Variants in ST6GALNAC3 observed in about 807,000 individuals in gnomAD.
The protein encoded by ST6GALNAC3 is ST6 N-acetylgalactosaminide alpha-2,6-sialyltransferase 3.
A neutral mutation model predicts 32.7 loss-of-function variants in ST6GALNAC3; 25 were observed. That is an observed-to-expected ratio of 0.76 (90% confidence interval 0.56 to 1.07). The LOEUF (loss-of-function observed/expected upper bound fraction) is 1.07. Ranked by LOEUF, ST6GALNAC3 falls within the 50% of genes least tolerant of loss-of-function variation. ST6GALNAC3 has a pLI of 0.00. For synonymous variants in ST6GALNAC3, 129 were observed against 133.1 expected (o/e 0.97, Z 0.21); for missense variants, 355 against 382.4 (o/e 0.93, Z 0.60).
chr1:76,627,637 A>G, intron 4 of ST6GALNAC3, 78 bp downstream of exon 4: 1 of 1,082,310 alleles, frequency 9.2e-7, no homozygotes, highest in Non-Finnish European at 1.4e-6. Context: ...TTTTAATACC[A>G]TAAATCTGAG....
intron 2 of ST6GALNAC3, among the ~76,000 whole-genome samples, chr1:76,390,864 T>C (rs2101151690): frequency 6.6e-6 from 1 of 151,288 alleles, no homozygotes; most frequent in Non-Finnish European, 1.5e-5. Flanking sequence ...TATAACTTCA[T>C]ATGTAAAACA....
At chr1:76,589,408 C>T (rs1430096049) in intron 3 of ST6GALNAC3, among the ~76,000 whole-genome samples, 16 of 152,014 alleles carry the variant, frequency 1.1e-4, no homozygotes, top group Non-Finnish European at 1.5e-5. Flanking sequence ...ACCTTCCCAG[C>T]ACCCTGGTGT....
intron 1 of ST6GALNAC3, 185 bp from the exon 2 acceptor site, chr1:76,313,620 A>C: frequency 1.4e-6 from 1 of 728,298 alleles, no homozygotes; most frequent in Non-Finnish European, 2.4e-6. Context: ...TGCTCTCAGC[A>C]GCCCAGCACA....
intron 3 of ST6GALNAC3, among the ~76,000 whole-genome samples, chr1:76,584,546 A>G (rs1646933659): frequency 6.6e-6 from 1 of 152,210 alleles, no homozygotes; most frequent in Non-Finnish European, 1.5e-5. Context: ...AGGCATAGCA[A>G]TATTTTTGTT....
intron 3 of ST6GALNAC3, among the ~76,000 whole-genome samples, chr1:76,522,534 T>C (rs1352765837): frequency 1.3e-5 from 2 of 152,196 alleles, no homozygotes; most frequent in East Asian, 3.8e-4. Flanking sequence ...ATTAATCTTG[T>C]CCTCAACTCT....
intron 1 of ST6GALNAC3, among the ~76,000 whole-genome samples, chr1:76,084,042 A>G (rs2043799): frequency 0.18 from 27,415 of 152,238 alleles, 2,616 homozygotes; most frequent in Middle Eastern, 0.32. Context: ...CCATGTTTCA[A>G]TGCTCAAAAG....
At chr1:76,456,408 G>T (rs561069221) in intron 3 of ST6GALNAC3, among the ~76,000 whole-genome samples, 1 of 151,952 alleles carries the variant, frequency 6.6e-6, no homozygotes, top group Non-Finnish European at 1.5e-5. Context: ...GTGCAGTGGT[G>T]CAATCTCGGC....
At chr1:76,096,959 C>G (rs1647143571) in intron 1 of ST6GALNAC3, among the ~76,000 whole-genome samples, 1 of 140,726 alleles carries the variant, frequency 7.1e-6, no homozygotes, top group Non-Finnish European at 1.5e-5. Flanking sequence ...CGCTTTTTTA[C>G]CCAGGCTGGA....
At chr1:76,216,104 C>T (rs1034712870) in intron 1 of ST6GALNAC3, among the ~76,000 whole-genome samples, 1 of 152,168 alleles carries the variant, frequency 6.6e-6, no homozygotes, top group Non-Finnish European at 1.5e-5. Context: ...CCGCCATGCA[C>T]CATCTCAGGG....
intron 3 of ST6GALNAC3, among the ~76,000 whole-genome samples, chr1:76,441,396 C>A (rs1364277925): frequency 6.6e-6 from 1 of 152,102 alleles, no homozygotes; most frequent in African/African-American, 2.4e-5. Context: ...GATTATGAGA[C>A]TTGCTTAAGC....
intron 3 of ST6GALNAC3, among the ~76,000 whole-genome samples, chr1:76,573,840 G>T (rs191594859): frequency 4.7e-5 from 7 of 149,036 alleles, no homozygotes; most frequent in Non-Finnish European, 9.0e-5. Context: ...TGAATGGTCT[G>T]GTTCTTTGGG....
At chr1:76,595,705 ACG>A (rs1647125694) in intron 3 of ST6GALNAC3, among the ~76,000 whole-genome samples, 1 of 142,278 alleles carries the variant, frequency 7.0e-6, no homozygotes, top group African/African-American at 2.6e-5. Flanking sequence ...ACACACACAC[ACG>A]GCCATTTTGG....
intron 1 of ST6GALNAC3, among the ~76,000 whole-genome samples, chr1:76,159,707 A>G (rs1353529404): frequency 1.3e-5 from 2 of 152,268 alleles, no homozygotes; most frequent in African/African-American, 2.4e-5. Context: ...GAAACCAGAC[A>G]TGAAAACAAC....
chr1:76,075,370 C>CAGGT (rs148288274), intron 1 of ST6GALNAC3, among the ~76,000 whole-genome samples: 8,655 of 152,200 alleles, frequency 0.057, 793 homozygotes, highest in African/African-American at 0.2. Context: ...TCTGAGTTTA[C>CAGGT]AGGTAGTCCC....
intron 3 of ST6GALNAC3, among the ~76,000 whole-genome samples, chr1:76,418,523 A>G (rs181418052): frequency 3.5e-4 from 54 of 152,292 alleles, no homozygotes; most frequent in Admixed American, 2.1e-3. Context: ...GGTTATTCCT[A>G]ACTCAGAATA....
intron 3 of ST6GALNAC3, among the ~76,000 whole-genome samples, chr1:76,597,850 A>G (rs1647162431): frequency 6.6e-6 from 1 of 152,124 alleles, no homozygotes; most frequent in African/African-American, 2.4e-5. Flanking sequence ...GCTTTCATCC[A>G]TGCTCTTGGC....
intron 3 of ST6GALNAC3, among the ~76,000 whole-genome samples, chr1:76,599,048 G>C (rs983480171): frequency 6.6e-6 from 1 of 151,964 alleles, no homozygotes; most frequent in Non-Finnish European, 1.5e-5. Context: ...CATGGTTGTA[G>C]GTTCATTGCA....
chr1:76,392,821 T>C (rs1652667053), intron 2 of ST6GALNAC3, among the ~76,000 whole-genome samples: 1 of 152,238 alleles, frequency 6.6e-6, no homozygotes, highest in Non-Finnish European at 1.5e-5. Context: ...AGTTATAGGC[T>C]ACACTGCATT....
At chr1:76,587,539 C>T (rs573521355) in intron 3 of ST6GALNAC3, among the ~76,000 whole-genome samples, 14 of 152,286 alleles carry the variant, frequency 9.2e-5, no homozygotes, top group African/African-American at 3.1e-4. Context: ...TATGCTTGCA[C>T]ACAACGAATC....
Sources: allele counts gnomAD v4.1 joint callset (sites outside exome capture counted in the v4.1 genomes callset), GRCh38; gene constraint gnomAD v4.1.1; transcripts MANE v1.5; gene names NCBI Gene and HGNC (gene_info 2026-07-23, HGNC 2026-07-21).